The following HDGFL2 variants were observed in gnomAD, a reference collection of about 807,000 sequenced individuals.
HDGFL2 encodes the protein hepatoma-derived growth factor-related protein 2.
HDGFL2 carries 36 observed loss-of-function variants against 77.1 expected under a neutral mutation model. The ratio of observed to expected loss-of-function variants is 0.47; its 90% CI spans 0.36 to 0.62. HDGFL2 has a LOEUF of 0.62. Among genes scored for constraint, HDGFL2 ranks in the 20% least tolerant of loss-of-function variants. The pLI is 0.00. For missense variants in HDGFL2, 976 were observed against 973.4 expected (o/e 1.00, Z -0.04); for synonymous variants, 463 against 413.1 (o/e 1.12, Z -1.46).
Position 4,494,488 on chromosome 19 carries a change from G to A in HDGFL2, c.1224+13G>A. ...GCTGGAGAGAGAGGTGAGCCGGGAGGGCGCCGGGAGTCCCTGCCTTCACTC... is the reference window on the plus strand; with the variant it reads ...GCTGGAGAGAGAGGTGAGCCGGGAGAGCGCCGGGAGTCCCTGCCTTCACTC... On this transcript the variant is annotated intron_variant, in intron 9 of 15. Coordinates refer to ENST00000616600, the MANE Select transcript of HDGFL2 (RefSeq NM_001001520.3). The A allele has an allele frequency of 7.3e-7, 1 of 1,369,928 alleles. No homozygotes were observed. Among genetic ancestry groups the A allele is most frequent in the Non-Finnish European group, 9.4e-7 (1 of 1,065,308 alleles). 84.9% of individuals were successfully genotyped at this position (1,369,928 alleles called of 1,614,324 possible).
chr19:4,491,472 C>A lies in HDGFL2; in HGVS notation c.490-94C>A, dbSNP rs1166003095. The stretch of plus-strand genomic sequence containing the variant: ...CTGGCCCGCCAGAGAGGTTCCAGAG[C>A]TCAGCTGTCGTGGGTGGTGGGCAGT... On this transcript the variant is annotated intron_variant, in intron 4 of 15. Transcript: ENST00000616600. 6 of 1,038,464 alleles carry A rather than the reference C, an allele frequency of 5.8e-6. No individual in the cohort carries two copies. In the East Asian group the frequency reaches 1.4e-4, roughly 25 times the overall value. 64.3% of individuals were successfully genotyped at this position (1,038,464 alleles called of 1,614,324 possible).
intron 6 of HDGFL2, among the ~76,000 whole-genome samples, chr19:4,493,287 TGTG>T (rs1279534103): frequency 2.8e-5 from 4 of 144,492 alleles, no homozygotes; most frequent in Non-Finnish European, 6.2e-5. Context: ...GTTGTCTGTG[TGTG>T]GTGTGTGTGT....
chr19:4,477,655 C>T (rs1015393999), intron 3 of HDGFL2, among the ~76,000 whole-genome samples: 1 of 152,144 alleles, frequency 6.6e-6, no homozygotes, highest in Non-Finnish European at 1.5e-5. Flanking sequence ...TATATAGAGG[C>T]CTGTCTTTGA....
rs1040951798 is a variant in HDGFL2 at position 4,491,559 on chromosome 19, C to T, written c.490-7C>T. The T allele has an allele frequency of 1.2e-6, 2 of 1,613,206 alleles. No homozygotes were observed. The highest frequency in any genetic ancestry group is 1.7e-6 in the Non-Finnish European group (2 of 1,179,578). ...ATCACTGAGCATTCAGGCCGTTCCC[C>T]TTCCAGATGTCGGTCTCGAAACGAG... On this transcript the variant is annotated splice_polypyrimidine_tract_variant and splice_region_variant and intron_variant, in intron 4 of 15. Coordinates refer to ENST00000616600, the MANE Select transcript of HDGFL2 (RefSeq NM_001001520.3).
intron 4 of HDGFL2, among the ~76,000 whole-genome samples, chr19:4,490,756 G>T (rs566327590): frequency 1.5e-4 from 23 of 151,864 alleles, no homozygotes; most frequent in African/African-American, 5.6e-4. Flanking sequence ...AAAAATACCT[G>T]TAGTATATGA....
chr19:4,499,509 A>G lies in HDGFL2; in HGVS notation c.1594A>G (p.Asn532Asp), dbSNP rs1188724603. 1 of 1,613,702 alleles carries G rather than the reference A, an allele frequency of 6.2e-7. No individual in the cohort carries two copies. Among genetic ancestry groups the G allele is most frequent in the East Asian group, 2.2e-5 (1 of 44,872 alleles). ...TLKKIRRYKA[N>D]KDVMEKAAEV... The stretch of plus-strand genomic sequence containing the variant: ...TGGCCAGATTCGCCGTTACAAAGCG[A>G]ACAAGGACGTAATGGAGAAGGCAGC... Residue 532 changes from asparagine (N) to aspartate (D), a missense_variant, in exon 14 of 16, where the codon AAC becomes GAC. Physicochemically the swap from Asn to Asp is conservative, Grantham distance 23 (BLOSUM62 1). Around this residue, in one of 5 missense-constraint regions of HDGFL2, gnomAD observed 46 missense variants for 81.3 expected, o/e 0.57. Coordinates refer to ENST00000616600, the MANE Select transcript of HDGFL2 (RefSeq NM_001001520.3).
intron 9 of HDGFL2, among the ~76,000 whole-genome samples, chr19:4,495,892 C>T (rs537253376): frequency 6.6e-6 from 1 of 152,294 alleles, no homozygotes; most frequent in Non-Finnish European, 1.5e-5. Flanking sequence ...TCCAGAGTCT[C>T]ACCTAGACTG....
chr19:4,495,875 G>A (rs976552067), intron 9 of HDGFL2, among the ~76,000 whole-genome samples: 2 of 152,126 alleles, frequency 1.3e-5, no homozygotes, highest in Admixed American at 1.3e-4. Context: ...AGGCAATGTG[G>A]CCTGAATCCA....
intron 1 of HDGFL2, among the ~76,000 whole-genome samples, chr19:4,473,276 G>C (rs1249364748): frequency 6.6e-6 from 1 of 150,730 alleles, no homozygotes; most frequent in Non-Finnish European, 1.5e-5. Context: ...GCCTGAGGAA[G>C]CTGCGCTCTG....
intron 6 of HDGFL2, among the ~76,000 whole-genome samples, chr19:4,492,936 G>GGT (rs142245463): frequency 7.9e-6 from 1 of 127,226 alleles, no homozygotes; most frequent in East Asian, 2.2e-4. Context: ...CTGTGTGTGT[G>GGT]GTGTGTGTGT....
At chr19:4,499,244 G>A (rs1478404121) in intron 13 of HDGFL2, among the ~76,000 whole-genome samples, 1 of 152,160 alleles carries the variant, frequency 6.6e-6, no homozygotes, top group East Asian at 1.9e-4. Flanking sequence ...TACTCAGGAG[G>A]CTGAGGCAGG....
chr19:4,502,089 GAGA>G lies in HDGFL2; in HGVS notation c.*81_*83del, dbSNP rs1975921514. On this transcript the variant is annotated 3_prime_UTR_variant, in exon 16 of 16. Coordinates refer to ENST00000616600, the MANE Select transcript of HDGFL2 (RefSeq NM_001001520.3). ...CCCCGGCTCGCAGGAGAGCAGAGCA[GAGA>G]ACTGTGGGGAACGCTGTGCTGTTTG... 6 of 1,009,466 alleles carry G rather than the reference GAGA, an allele frequency of 5.9e-6. No homozygotes were observed. Among genetic ancestry groups the G allele is most frequent in the Middle Eastern group, 4.0e-4 (2 of 5,038 alleles). 62.5% of individuals were successfully genotyped at this position (1,009,466 alleles called of 1,614,324 possible).
At position 4,493,777 on chromosome 19, in the gene HDGFL2, G is replaced by C. The variant is rs987111160; in HGVS notation, c.753G>C (p.Ala251=). The stretch of plus-strand genomic sequence containing the variant: ...CCAAGCCTGAGCCGGTGGCCATGGC[G>C]CGGTCGGCGTCCTCCTCCTCCTCTT... ...DGAKPEPVAM[A]RSASSSSSSS... Residue 251 remains alanine, a synonymous_variant, in exon 7 of 16, where the codon GCG becomes GCC. Transcript: ENST00000616600. The C allele has an allele frequency of 1.9e-6, 3 of 1,543,758 alleles. No individual in the cohort carries two copies. In the African/African-American group the frequency reaches 4.1e-5, roughly 21 times the overall value.
chr19:4,476,727 G>T (rs1391853899), intron 3 of HDGFL2, among the ~76,000 whole-genome samples: 1 of 151,366 alleles, frequency 6.6e-6, no homozygotes, highest in Admixed American at 6.6e-5. Flanking sequence ...GTCAGGGAAA[G>T]GAAGGAATTT....
chr19:4,498,996 C>T (rs1334786720), intron 13 of HDGFL2, 81 bp downstream of exon 13: 4 of 989,546 alleles, frequency 4.0e-6, no homozygotes, highest in East Asian at 5.3e-5. Context: ...AGGCCCCCAG[C>T]AGGTTCCTGT....
chr19:4,498,921 G>A lies in HDGFL2; in HGVS notation c.1575+6G>A, dbSNP rs1316176424. 6.3e-7 allele frequency: 1 copy of A among 1,593,232 alleles called. No individual in the cohort carries two copies. The highest frequency in any genetic ancestry group is 8.6e-7 in the Non-Finnish European group (1 of 1,167,042). ...TGGTGGCCACCTTGAAGAAGGTATG[G>A]CGGGGGAATCAGAGGCGCAGGGTGC... On this transcript the variant is annotated splice_donor_region_variant and intron_variant, in intron 13 of 15. Coordinates refer to ENST00000616600, the MANE Select transcript of HDGFL2 (RefSeq NM_001001520.3).
At chr19:4,481,617 C>T (rs1237409904) in intron 3 of HDGFL2, among the ~76,000 whole-genome samples, 1 of 151,714 alleles carries the variant, frequency 6.6e-6, no homozygotes, top group East Asian at 1.9e-4. Context: ...TGAGCCACCG[C>T]GCCCGGCCAA....
chr19:4,494,164 A>C lies in HDGFL2; in HGVS notation c.915-2A>C. The stretch of plus-strand genomic sequence containing the variant: ...GTCCCCAACCGCCCCCTCCGCCTCC[A>C]GTGACAGCGACGAGGTGGACCGCAT... On this transcript the variant is annotated splice_acceptor_variant, in intron 8 of 15. Transcript: ENST00000616600. LOFTEE classifies it high-confidence loss of function. 1 of 1,492,784 alleles carries C rather than the reference A, an allele frequency of 6.7e-7. No individual in the cohort carries two copies. The highest frequency in any genetic ancestry group is 1.3e-5 in the South Asian group (1 of 75,482). The allele number at this position is 1,492,784 out of a possible 1,614,324, so 92.5% of individuals were successfully genotyped here. A position where few individuals can be genotyped will look rare whatever the true frequency, so the allele number is the denominator to read the frequency against.
chr19:4,491,319 G>T (rs1420233974), intron 4 of HDGFL2, among the ~76,000 whole-genome samples: 8 of 124,050 alleles, frequency 6.4e-5, no homozygotes, highest in Non-Finnish European at 1.1e-4. Context: ...CCTACTTTCT[G>T]TCTCTGTGAG....
Sources: allele counts gnomAD v4.1 joint callset (sites outside exome capture counted in the v4.1 genomes callset), GRCh38; gene constraint gnomAD v4.1.1; regional missense constraint gnomAD v4.1.1; transcripts MANE v1.5; gene names NCBI Gene and HGNC (gene_info 2026-07-23, HGNC 2026-07-21).